ARAP2: variants seen among roughly 807,000 people sequenced by gnomAD.
The protein encoded by ARAP2 is ArfGAP with RhoGAP domain, ankyrin repeat and PH domain 2, also known as arf-GAP with Rho-GAP domain, ANK repeat and PH domain-containing protein 2.
A neutral mutation model predicts 194.5 loss-of-function variants in ARAP2; 148 were observed. The ratio of observed to expected loss-of-function variants is 0.76; its 90% CI spans 0.67 to 0.87. ARAP2 has a LOEUF of 0.87. Ranked by LOEUF, ARAP2 falls within the 40% of genes least tolerant of loss-of-function variation. The pLI is 0.00. For missense variants in ARAP2, 2,128 were observed against 1,989.7 expected (o/e 1.07, Z -1.32); for synonymous variants, 695 against 683.5 (o/e 1.02, Z -0.26).
chr4:36,191,818 G>T (rs1339251924), intron 7 of ARAP2, among the ~76,000 whole-genome samples: 1 of 151,968 alleles, frequency 6.6e-6, no homozygotes, highest in Non-Finnish European at 1.5e-5. Flanking sequence ...TGAAAATGGG[G>T]GTGAGTTAGA....
intron 19 of ARAP2, among the ~76,000 whole-genome samples, chr4:36,138,748 T>G (rs4833122): frequency 0.3 from 45,700 of 151,518 alleles, 8,146 homozygotes; most frequent in East Asian, 0.47. Flanking sequence ...TTGGGATGTA[T>G]AGTTAAGTGT....
At chr4:36,126,350 T>A (rs929914318) in intron 21 of ARAP2, among the ~76,000 whole-genome samples, 2 of 151,926 alleles carry the variant, frequency 1.3e-5, no homozygotes, top group Non-Finnish European at 2.9e-5. Flanking sequence ...TCTTATAAAA[T>A]AGATGATATT....
intron 28 of ARAP2, among the ~76,000 whole-genome samples, chr4:36,091,676 G>A (rs752098007): frequency 6.6e-6 from 1 of 152,008 alleles, no homozygotes; most frequent in Non-Finnish European, 1.5e-5. Context: ...CAAAATCTGA[G>A]GTGCCTAAAA....
intron 20 of ARAP2, among the ~76,000 whole-genome samples, chr4:36,130,115 C>T (rs1224461762): frequency 3.3e-5 from 5 of 152,072 alleles, no homozygotes; most frequent in South Asian, 4.1e-4. Flanking sequence ...TCCTTTCCAT[C>T]CCATATGCTA....
At chr4:36,172,476 AT>A (rs1443867174) in intron 9 of ARAP2, among the ~76,000 whole-genome samples, 1 of 152,178 alleles carries the variant, frequency 6.6e-6, no homozygotes, top group African/African-American at 2.4e-5. Flanking sequence ...AAATATTTCC[AT>A]TTTTTAATAA....
intron 5 of ARAP2, among the ~76,000 whole-genome samples, chr4:36,026,107 T>C (rs997642598): frequency 2.0e-5 from 3 of 152,196 alleles, no homozygotes. Context: ...TTTAAATAGT[T>C]GTTGCTAATG....
intron 1 of ARAP2, among the ~76,000 whole-genome samples, chr4:36,235,998 G>C (rs564198008): frequency 6.6e-6 from 1 of 152,102 alleles, no homozygotes; most frequent in South Asian, 2.1e-4. Context: ...GTGACATGGT[G>C]AAACCCTGTC....
chr4:36,161,836 C>T (rs537004825), intron 11 of ARAP2, among the ~76,000 whole-genome samples: 31 of 149,008 alleles, frequency 2.1e-4, no homozygotes, highest in Middle Eastern at 7.2e-3. Flanking sequence ...CGGCCTGGCG[C>T]GGTGGCTCAC....
intron 6 of ARAP2, among the ~76,000 whole-genome samples, chr4:36,203,785 GTATTTTAC>G (rs1296197811): frequency 6.6e-6 from 1 of 151,916 alleles, no homozygotes; most frequent in African/African-American, 2.4e-5. Context: ...CAGTTTTGCA[GTATTTTAC>G]TCTAAATTGA....
chr4:36,210,509 T>G lies in ARAP2; in HGVS notation c.1368A>C (p.Thr456=). The G allele has an allele frequency of 6.2e-7, 1 of 1,613,848 alleles. No individual in the cohort carries two copies. The highest frequency in any genetic ancestry group is 8.5e-7 in the Non-Finnish European group (1 of 1,179,744). Reference sequence around the variant, plus strand: ...CGGCTGATGAATCAGCATTTCCACTTGTTGAGCTTAACGGATAACTGTGCC... The same window carrying G: ...CGGCTGATGAATCAGCATTTCCACTGGTTGAGCTTAACGGATAACTGTGCC... ...VNRHSYPLSS[T]SGNADSSAVS... The change falls in exon 6 of 33, where the codon ACA becomes ACC. Residue 456 remains threonine (T), a synonymous_variant. Transcript: ENST00000303965.
At position 36,126,874 on chromosome 4, in the gene ARAP2, G is replaced by A. The variant is rs73806494; in HGVS notation, c.3640+1659C>T. ...GTTTAACACGCAGGGTCTCAGCCCT[G>A]TCACCCAGGCTGGAGTACAGTGGCA... On this transcript the variant is annotated intron_variant, in intron 21 of 32. Transcript: ENST00000303965. Among the ~76,000 whole-genome samples the A allele has an allele frequency of 5.3e-3, 808 of 152,128 alleles. 11 individuals carry two copies. Among genetic ancestry groups the A allele is most frequent in the African/African-American group, 0.018 (762 of 41,544 alleles).
chr4:36,072,074 T>A (rs2109312320), intron 32 of ARAP2, among the ~76,000 whole-genome samples: 1 of 152,276 alleles, frequency 6.6e-6, no homozygotes, highest in South Asian at 2.1e-4. Context: ...AATCTAATAT[T>A]ATGGCAGATA....
intron 19 of ARAP2, among the ~76,000 whole-genome samples, chr4:36,142,031 G>A (rs763089605): frequency 1.3e-5 from 2 of 151,634 alleles, no homozygotes; most frequent in Non-Finnish European, 3.0e-5. Context: ...TAATTAACTA[G>A]CTATGTTTGA....
intron 8 of ARAP2, among the ~76,000 whole-genome samples, chr4:36,183,381 A>AACAC (rs1739738144): frequency 1.3e-5 from 2 of 152,202 alleles, no homozygotes; most frequent in South Asian, 4.1e-4. Context: ...CTGAGAGAAT[A>AACAC]ACACACGTGC....
intron 10 of ARAP2, among the ~76,000 whole-genome samples, chr4:36,166,089 T>C (rs573175688): frequency 2.4e-4 from 37 of 152,158 alleles, no homozygotes; most frequent in Non-Finnish European, 4.4e-4. Flanking sequence ...ATAAAGCTTG[T>C]TAATTTTATG....
At chr4:36,135,879 A>C (rs1203001205) in intron 19 of ARAP2, among the ~76,000 whole-genome samples, 1 of 151,778 alleles carries the variant, frequency 6.6e-6, no homozygotes, top group Non-Finnish European at 1.5e-5. Flanking sequence ...CAGTGAAAGA[A>C]ATCCAAAATG....
chr4:36,008,312 C>G (rs951774241), intron 9 of ARAP2, among the ~76,000 whole-genome samples: 1 of 151,986 alleles, frequency 6.6e-6, no homozygotes, highest in Non-Finnish European at 1.5e-5. Context: ...TTACACTAAT[C>G]AAAACAGCAT....
At chr4:36,010,323 TAAAG>T in intron 9 of ARAP2, among the ~76,000 whole-genome samples, 1 of 151,970 alleles carries the variant, frequency 6.6e-6, no homozygotes, top group East Asian at 1.9e-4. Flanking sequence ...TGAAAAGAAA[TAAAG>T]AAAGGCTAGA....
intron 11 of ARAP2, among the ~76,000 whole-genome samples, chr4:36,161,793 CAAAAAAAAAA>C (rs869193087): frequency 3.0e-5 from 3 of 99,460 alleles, no homozygotes; most frequent in Admixed American, 1.1e-4. Flanking sequence ...TCTGCACTGA[CAAAAAAAAAA>C]AAAAAAAAAA....
Sources: gnomAD v4.1 joint callset for allele counts (sites outside exome capture counted in the v4.1 genomes callset) on GRCh38, gnomAD v4.1.1 for gene constraint, MANE v1.5 for transcripts, NCBI Gene and HGNC (gene_info 2026-07-23, HGNC 2026-07-21) for gene names.